Variants in FDFT1 observed in about 807,000 individuals in gnomAD.
FDFT1 encodes squalene synthase.
In FDFT1, 68 loss-of-function variants were observed where a neutral mutation model predicts 46.8. The ratio of observed to expected loss-of-function variants is 1.45; its 90% confidence interval spans 1.19 to 1.78. FDFT1 has a LOEUF of 1.78. Among genes scored for constraint, FDFT1 ranks in the 40% most tolerant of loss-of-function variants. FDFT1 has a pLI of 0.00. For synonymous variants in FDFT1, 351 were observed against 185.1 expected, an observed-to-expected ratio of 1.90 and a Z score of -7.28; for missense variants, 928 against 524.4, an observed-to-expected ratio of 1.77 and a Z score of -7.52.
intron 4 of FDFT1, among the ~76,000 whole-genome samples, chr8:11,824,371 G>GA (rs1199458056): frequency 1.3e-5 from 2 of 152,200 alleles, no homozygotes; most frequent in Non-Finnish European, 2.9e-5. Flanking sequence ...TCTCTGTTGA[G>GA]AGAGGGGAAG....
intron 3 of FDFT1, among the ~76,000 whole-genome samples, chr8:11,816,309 C>G (rs960135265): frequency 1.3e-5 from 2 of 152,156 alleles, no homozygotes; most frequent in East Asian, 1.9e-4. Context: ...CGTGATGCCT[C>G]CAGCTTTGTT....
intron 4 of FDFT1, among the ~76,000 whole-genome samples, chr8:11,822,426 A>C (rs747472810): frequency 6.6e-6 from 1 of 152,148 alleles, no homozygotes; most frequent in Non-Finnish European, 1.5e-5. Context: ...TAATTTTTCA[A>C]ACCTCAAAAC....
intron 1 of FDFT1, 122 bp from the exon 2 acceptor site, chr8:11,808,672 G>A (rs919944019): frequency 6.1e-6 from 9 of 1,477,860 alleles, no homozygotes; most frequent in South Asian, 2.7e-5. Context: ...GACTGGCCTC[G>A]GGGAGAGGGC....
At chr8:11,822,978 A>G (rs909479225) in intron 4 of FDFT1, among the ~76,000 whole-genome samples, 3 of 152,188 alleles carry the variant, frequency 2.0e-5, no homozygotes, top group Non-Finnish European at 4.4e-5. Flanking sequence ...TTTTTTTGAG[A>G]CAGGGTCTTG....
chr8:11,810,154 ACG>A (rs1807501240), intron 3 of FDFT1, among the ~76,000 whole-genome samples: 1 of 152,196 alleles, frequency 6.6e-6, no homozygotes, highest in African/African-American at 2.4e-5. Context: ...CAAAGAATTA[ACG>A]TAGGTAATGC....
At position 11,826,228 on chromosome 8, in the gene FDFT1, G is replaced by T. The variant is rs751611810; in HGVS notation, c.702+13G>T. ...CTGGCCTCAAGAGGTAACAGATTCA[G>T]GGTATTTTGGGGGAAAATAACTTTA... On this transcript the variant is annotated intron_variant, in intron 5 of 7. Coordinates refer to ENST00000220584, the MANE Select transcript of FDFT1 (RefSeq NM_004462.5). The T allele has an allele frequency of 2.0e-6, 3 of 1,488,474 alleles. No homozygotes were observed. Among genetic ancestry groups the T allele is most frequent in the African/African-American group, 2.8e-5 (2 of 71,480 alleles). 92.2% of individuals were successfully genotyped at this position (1,488,474 alleles called of 1,614,324 possible).
chr8:11,809,950 C>A, intron 3 of FDFT1, 100 bp downstream of exon 3: 1 of 880,190 alleles, frequency 1.1e-6, no homozygotes, highest in Non-Finnish European at 1.7e-6. Context: ...GTTAAATAAG[C>A]ATTCTGAGGG....
chr8:11,821,649 A>G (rs1809263104), intron 3 of FDFT1, 101 bp from the exon 4 acceptor site: 2 of 1,356,942 alleles, frequency 1.5e-6, no homozygotes, highest in Non-Finnish European at 2.1e-6. Flanking sequence ...TAGATGAACC[A>G]TTGCAGTCAT....
At chr8:11,809,615 A>T in intron 2 of FDFT1, 52 bp from the exon 3 acceptor site, 1 of 1,510,026 alleles carries the variant, frequency 6.6e-7, no homozygotes. Context: ...TTTAAAATAA[A>T]AAATCTTTGG....
intron 7 of FDFT1, among the ~76,000 whole-genome samples, chr8:11,836,903 C>G (rs563135125): frequency 7.0e-4 from 107 of 152,300 alleles, no homozygotes; most frequent in African/African-American, 2.6e-3. Flanking sequence ...CAGGGATGCA[C>G]GCTTGCTGTG....
upstream of FDFT1, among the ~76,000 whole-genome samples, chr8:11,799,193 G>A (rs144523608): frequency 9.6e-4 from 146 of 152,342 alleles, 2 homozygotes; most frequent in African/African-American, 3.3e-3. Context: ...CGCCTTGAGT[G>A]TACAGTTTCT....
At chr8:11,809,583 A>G in intron 2 of FDFT1, 84 bp from the exon 3 acceptor site, 1 of 1,409,442 alleles carries the variant, frequency 7.1e-7, no homozygotes, top group East Asian at 2.4e-5. Context: ...ATGGGTTTAG[A>G]AAGTGGCCAG....
At chr8:11,830,812 G>C (rs543646260) in intron 6 of FDFT1, among the ~76,000 whole-genome samples, 1 of 152,068 alleles carries the variant, frequency 6.6e-6, no homozygotes, top group African/African-American at 2.4e-5. Flanking sequence ...TCCTAGACCC[G>C]GCATAAAAAG....
At chr8:11,811,187 C>CT (rs1807666315) in intron 3 of FDFT1, among the ~76,000 whole-genome samples, 1 of 152,198 alleles carries the variant, frequency 6.6e-6, no homozygotes, top group African/African-American at 2.4e-5. Flanking sequence ...TGATTTGACT[C>CT]TCACAGGACA....
chr8:11,828,808 G>A (rs1810370961), intron 5 of FDFT1, among the ~76,000 whole-genome samples: 1 of 152,200 alleles, frequency 6.6e-6, no homozygotes, highest in Non-Finnish European at 1.5e-5. Context: ...CATGTTTTCA[G>A]GGCTCCTCCA....
chr8:11,831,640 C>T lies in FDFT1; in HGVS notation c.1002C>T (p.Val334=). Residue 334 remains valine (V), a synonymous_variant, in exon 7 of 8, where the codon GTC becomes GTT. Coordinates refer to ENST00000220584, the MANE Select transcript of FDFT1 (RefSeq NM_004462.5). ...LMMDATNMPA[V]KAIIYQYMEE... ...TGGATGCCACCAATATGCCAGCTGT[C>T]AAAGCCATCATATATCAGTATATGG... is the stretch of plus-strand genomic sequence containing the variant. The T allele has an allele frequency of 1.2e-6, 2 of 1,613,968 alleles. No individual in the cohort carries two copies. Among genetic ancestry groups the T allele is most frequent in the Non-Finnish European group, 1.7e-6 (2 of 1,179,852 alleles).
At chr8:11,799,565 A>G (rs1455792670), upstream of FDFT1, among the ~76,000 whole-genome samples, 2 of 152,196 alleles carry the variant, frequency 1.3e-5, no homozygotes, top group Middle Eastern at 3.2e-3. Flanking sequence ...CCAGTTGTGT[A>G]TGAACTCCAA....
At chr8:11,832,630 A>G (rs542494465) in intron 7 of FDFT1, among the ~76,000 whole-genome samples, 41 of 146,948 alleles carry the variant, frequency 2.8e-4, no homozygotes, top group Non-Finnish European at 5.7e-4. Flanking sequence ...GCCCTAGAGC[A>G]GTGGTTTGTA....
intron 3 of FDFT1, among the ~76,000 whole-genome samples, chr8:11,810,567 T>C (rs1807571360): frequency 6.6e-6 from 1 of 152,238 alleles, no homozygotes; most frequent in Admixed American, 6.5e-5. Flanking sequence ...CTGTAAGTAT[T>C]AGCTATTTGG....
Sources: allele counts gnomAD v4.1 joint callset (sites outside exome capture counted in the v4.1 genomes callset), GRCh38; gene constraint gnomAD v4.1.1; transcripts MANE v1.5; gene names NCBI Gene and HGNC (gene_info 2026-07-23, HGNC 2026-07-21).